SSH1: variants seen among roughly 807,000 people sequenced by gnomAD.
SSH1 encodes protein phosphatase Slingshot homolog 1.
Under a neutral mutation model 79.7 loss-of-function variants are expected in SSH1, and 43 were observed. The ratio of observed to expected loss-of-function variants is 0.54; its 90% CI spans 0.42 to 0.70. The LOEUF (loss-of-function observed/expected upper bound fraction) is 0.70, where lower values mean the gene tolerates loss of function less well. SSH1 is among the 30% of genes least tolerant of loss of function. The pLI is 0.00. For synonymous variants in SSH1, 599 were observed against 538.3 expected (o/e 1.11, Z -1.56); for missense variants, 1,206 against 1,358.8 (o/e 0.89, Z 1.77).
intron 2 of SSH1, among the ~76,000 whole-genome samples, chr12:108,839,710 T>G (rs2038729235): frequency 6.6e-6 from 1 of 151,616 alleles, no homozygotes; most frequent in Non-Finnish European, 1.5e-5. Flanking sequence ...ACTGTAAAAG[T>G]AAAGGCACTC....
In SSH1 at chr12:108,823,191, A is replaced by G. The variant is rs2038187411; in HGVS notation, c.214+67T>C. On this transcript the variant is annotated intron_variant, in intron 3 of 14. Transcript: ENST00000326495. ...CTTCAAACTCAGCAACATCACCAAC[A>G]ATGGAAGTTTCCTCTGCTGTCCAGA... is the stretch of plus-strand genomic sequence containing the variant. 2.0e-5 allele frequency: 29 copies of G among 1,457,530 alleles called. 2 individuals carry two copies. In the South Asian group the frequency reaches 3.2e-4, roughly 16 times the overall value. The allele number at this position is 1,457,530 out of a possible 1,614,324, so 90.3% of individuals were successfully genotyped here.
intron 4 of SSH1, 45 bp from the exon 5 acceptor site, chr12:108,817,204 G>A: frequency 1.9e-6 from 3 of 1,609,214 alleles, no homozygotes; most frequent in Non-Finnish European, 2.5e-6. Context: ...CTTTGGAGGT[G>A]GTGCCTCCCT....
intron 2 of SSH1, among the ~76,000 whole-genome samples, chr12:108,830,419 T>C (rs1013275569): frequency 2.6e-5 from 4 of 151,004 alleles, no homozygotes; most frequent in Admixed American, 2.6e-4. Flanking sequence ...GATCCTGGAG[T>C]CCCCACTGCA....
At chr12:108,843,031 C>T (rs762099131) in intron 2 of SSH1, among the ~76,000 whole-genome samples, 5 of 152,208 alleles carry the variant, frequency 3.3e-5, no homozygotes, top group East Asian at 1.9e-4. Flanking sequence ...ACGATTATTG[C>T]GCTTGTTTAT....
chr12:108,817,554 G>A (rs919189983), intron 4 of SSH1, among the ~76,000 whole-genome samples: 39 of 152,302 alleles, frequency 2.6e-4, no homozygotes, highest in South Asian at 4.1e-4. Flanking sequence ...CAGCCAGAGC[G>A]ACAGAGTGAG....
At chr12:108,853,195 G>C in intron 1 of SSH1, 2 of 985,246 alleles carry the variant, frequency 2.0e-6, no homozygotes, top group Non-Finnish European at 2.4e-6. Flanking sequence ...GAAAGCTCTT[G>C]ATGGTTCTCG....
In SSH1 at chr12:108,782,114, G is replaced by A. The variant is rs1403958605; in HGVS notation, c.*5874C>T. On this transcript the variant is annotated 3_prime_UTR_variant, in exon 15 of 15. Transcript: ENST00000326495. Reference sequence around the variant, plus strand: ...CACCACTGAACTCCAGCCTGAGCAAGAGAGCCAGACCCAGTCTCAAAAAAA... The same window carrying A: ...CACCACTGAACTCCAGCCTGAGCAAAAGAGCCAGACCCAGTCTCAAAAAAA... 8.1e-6 allele frequency: 1 copy of A among 123,038 alleles called. No homozygotes were observed. The highest frequency in any genetic ancestry group is 3.2e-5 in the African/African-American group (1 of 31,128). 7.6% of individuals were successfully genotyped at this position (123,038 alleles called of 1,614,324 possible). A position where few individuals can be genotyped will look rare whatever the true frequency, so the allele number is the denominator to read the frequency against.
At chr12:108,843,488 A>G (rs2038826282) in intron 2 of SSH1, among the ~76,000 whole-genome samples, 1 of 152,080 alleles carries the variant, frequency 6.6e-6, no homozygotes, top group Non-Finnish European at 1.5e-5. Context: ...GCTTGGTTTA[A>G]TACTCTGTTG....
At chr12:108,842,419 T>C (rs1046045958) in intron 2 of SSH1, among the ~76,000 whole-genome samples, 2 of 152,186 alleles carry the variant, frequency 1.3e-5, no homozygotes, top group African/African-American at 4.8e-5. Context: ...GGAACTGGTT[T>C]CCTAAAATGA....
In SSH1 at chr12:108,792,290, A is replaced by C. The variant is rs1337388857; in HGVS notation, c.1889T>G (p.Met630Arg). 6 of 1,614,188 alleles carry C rather than the reference A, an allele frequency of 3.7e-6. No homozygotes were observed. In the South Asian group the frequency reaches 4.4e-5, roughly 12 times the overall value. Reference sequence around the variant, plus strand: ...TGCAGGCCGGGCTCTGCCTACCTCCATGCCGTTGGGACAGCTCCTCTTGCT... The same window carrying C: ...TGCAGGCCGGGCTCTGCCTACCTCCCTGCCGTTGGGACAGCTCCTCTTGCT... Reference protein sequence around the residue: ...NNSKRSCPNGMEDDAIFGILN... With the variant: ...NNSKRSCPNGREDDAIFGILN... Residue 630 changes from methionine (M) to arginine (R), a missense_variant, in exon 14 of 15, where the codon ATG becomes AGG. Physicochemically the swap from Met to Arg is moderately conservative, Grantham distance 91. Around this residue, in one of 5 missense-constraint regions of SSH1, gnomAD observed 709 missense variants for 730.6 expected, o/e 0.97. Coordinates refer to ENST00000326495, the MANE Select transcript of SSH1 (RefSeq NM_018984.4).
chr12:108,792,935 C>T lies in SSH1; in HGVS notation c.1350-106G>A, dbSNP rs1169582873. 5 of 1,378,688 alleles carry T rather than the reference C, an allele frequency of 3.6e-6. No homozygotes were observed. The African/African-American group carries it at 5.7e-5, about 16-fold the overall frequency. 85.4% of individuals were successfully genotyped at this position (1,378,688 alleles called of 1,614,324 possible). On this transcript the variant is annotated intron_variant, in intron 13 of 14. Coordinates refer to ENST00000326495, the MANE Select transcript of SSH1 (RefSeq NM_018984.4). ...TGAGGGGCTGCCCAAGGTCAGGGCGCCAGGGACGATCCATGGCTCATTCAG... is the reference window on the plus strand; with the variant it reads ...TGAGGGGCTGCCCAAGGTCAGGGCGTCAGGGACGATCCATGGCTCATTCAG...
intron 12 of SSH1, among the ~76,000 whole-genome samples, chr12:108,799,731 G>A (rs1442012469): frequency 6.6e-6 from 1 of 152,230 alleles, no homozygotes; most frequent in Non-Finnish European, 1.5e-5. Context: ...GGGAGCAGGA[G>A]TAAGGGCGGC....
chr12:108,817,955 T>C (rs1426015945), intron 4 of SSH1, among the ~76,000 whole-genome samples: 1 of 152,148 alleles, frequency 6.6e-6, no homozygotes, highest in Non-Finnish European at 1.5e-5. Context: ...ACTCCAGGAC[T>C]TTGGGAGGCA....
rs765022282 is a variant in SSH1 at position 108,806,376 on chromosome 12, C to A, written c.750G>T (p.Arg250Ser). ...GCTTGGCTTTGATGAGGCGCTCGGT[C>A]CTTTCCCCTTCAGTGGGCCTGGAAA... ...LFVDKPTEGE[R>S]TERLIKAKLR... The change falls in exon 9 of 15, where the codon AGG becomes AGT. Residue 250 changes from arginine (R) to serine (S), a missense_variant. Arg to Ser is a moderately radical substitution (Grantham distance 110, BLOSUM62 -1). Transcript: ENST00000326495. 4 of 1,614,130 alleles carry A rather than the reference C, an allele frequency of 2.5e-6. No homozygotes were observed. The Admixed American group carries it at 6.7e-5, about 27-fold the overall frequency.
At chr12:108,803,506 C>T (rs886836749) in intron 10 of SSH1, among the ~76,000 whole-genome samples, 1 of 152,178 alleles carries the variant, frequency 6.6e-6, no homozygotes, top group Non-Finnish European at 1.5e-5. Context: ...CCCCTCAGGA[C>T]CAGGGGTGGC....
At chr12:108,816,521 G>A (rs2037894163) in intron 5 of SSH1, among the ~76,000 whole-genome samples, 1 of 152,164 alleles carries the variant, frequency 6.6e-6, no homozygotes, top group Non-Finnish European at 1.5e-5. Flanking sequence ...CAGTTAGTGG[G>A]AAATTACAAG....
At chr12:108,835,813 C>T (rs2038589951) in intron 2 of SSH1, among the ~76,000 whole-genome samples, 1 of 147,606 alleles carries the variant, frequency 6.8e-6, no homozygotes, top group South Asian at 2.1e-4. Flanking sequence ...AAATATTAAA[C>T]ATTAATGTTA....
At chr12:108,796,443 T>C (rs1414102677) in intron 13 of SSH1, among the ~76,000 whole-genome samples, 1 of 152,252 alleles carries the variant, frequency 6.6e-6, no homozygotes, top group Admixed American at 6.5e-5. Context: ...CATGGAAACA[T>C]ACAGTAGTTC....
At position 108,792,272 on chromosome 12, in the gene SSH1, C is replaced by T. The variant is rs375388549; in HGVS notation, c.1893+14G>A. 1.7e-5 allele frequency: 27 copies of T among 1,614,016 alleles called. No individual in the cohort carries two copies. Among genetic ancestry groups the T allele is most frequent in the Non-Finnish European group, 1.1e-5 (13 of 1,180,026 alleles). Reference sequence around the variant, plus strand: ...GGATGGGGTGTGCCACCCTGCAGGCCGGGCTCTGCCTACCTCCATGCCGTT... The same window carrying T: ...GGATGGGGTGTGCCACCCTGCAGGCTGGGCTCTGCCTACCTCCATGCCGTT... On this transcript the variant is annotated intron_variant, in intron 14 of 14. Transcript: ENST00000326495.
Sources: gnomAD v4.1 joint callset for allele counts (sites outside exome capture counted in the v4.1 genomes callset) on GRCh38, gnomAD v4.1.1 for gene constraint, gnomAD v4.1.1 regional missense constraint, MANE v1.5 for transcripts, NCBI Gene and HGNC (gene_info 2026-07-23, HGNC 2026-07-21) for gene names.